AHDC1: variants seen among roughly 807,000 people sequenced by gnomAD.
AHDC1 encodes the protein transcription factor Gibbin.
A neutral mutation model predicts 87.9 loss-of-function variants in AHDC1; 7 were observed. The ratio of observed to expected loss-of-function variants is 0.08; its 90% CI spans 0.05 to 0.15. AHDC1 has a LOEUF of 0.15. AHDC1 is among the 10% of genes least tolerant of loss of function. AHDC1 has a pLI of 1.00. For synonymous variants in AHDC1, 1,051 were observed against 1,006.8 expected (o/e 1.04, Z -0.83); for missense variants, 1,841 against 2,253.2 (o/e 0.82, Z 3.70).
chr1:27,578,195 G>A (rs565678412), intron 3 of AHDC1, among the ~76,000 whole-genome samples: 10 of 152,302 alleles, frequency 6.6e-5, no homozygotes, highest in African/African-American at 2.4e-4. Context: ...ACCAGATTCT[G>A]AAGTCTTAAT....
In AHDC1 at chr1:27,562,387, G is replaced by A. The variant is rs1054488352; in HGVS notation, c.-628-3504C>T. Among the ~76,000 whole-genome samples, 3 of 152,120 alleles carry A rather than the reference G, an allele frequency of 2.0e-5. No homozygotes were observed. On this transcript the variant is annotated intron_variant, in intron 3 of 8. Coordinates refer to ENST00000673934, the MANE Select transcript of AHDC1 (RefSeq NM_001371928.1). The surrounding 1 kb of genome is among the most constrained non-coding windows in gnomAD (Gnocchi z 4.4). ...GCGCAGAGCTGCCCCGATTAATCCT[G>A]TGGCTCCAGAGCCTTAATTAGTTTA...
chr1:27,586,130 G>A (rs766184455), intron 3 of AHDC1, among the ~76,000 whole-genome samples: 9 of 152,182 alleles, frequency 5.9e-5, no homozygotes, highest in Non-Finnish European at 1.3e-4. Flanking sequence ...GTGCCTAAGC[G>A]CCATCCAAGG....
intron 8 of AHDC1, among the ~76,000 whole-genome samples, chr1:27,543,981 C>T (rs2019052666): frequency 6.6e-6 from 1 of 151,860 alleles, no homozygotes; most frequent in African/African-American, 2.4e-5. Flanking sequence ...ATTGTCCAAT[C>T]CAACCTATCC....
At chr1:27,557,474 G>T (rs1353337868) in intron 5 of AHDC1, among the ~76,000 whole-genome samples, 10 of 151,966 alleles carry the variant, frequency 6.6e-5, no homozygotes, top group Admixed American at 5.2e-4. Context: ...GTTGCTGCTG[G>T]AAAGGAAGTG....
intron 5 of AHDC1, among the ~76,000 whole-genome samples, chr1:27,554,368 C>A (rs185200429): frequency 6.6e-6 from 1 of 152,220 alleles, no homozygotes; most frequent in South Asian, 2.1e-4. Context: ...CAATTACTTG[C>A]GTGACTGGCT....
chr1:27,573,956 A>C lies in AHDC1; in HGVS notation c.-628-15073T>G, dbSNP rs76121932. The stretch of plus-strand genomic sequence containing the variant: ...TACACCAGGGTCTTTCCCAGTGGAC[A>C]TGGAAGGCCAATCAAACAGGAAACA... On this transcript the variant is annotated intron_variant, in intron 3 of 8. Coordinates refer to ENST00000673934, the MANE Select transcript of AHDC1 (RefSeq NM_001371928.1). 8.2e-3 allele frequency among the ~76,000 whole-genome samples: 1,244 copies of C among 152,346 alleles called. 22 individuals are homozygous for C. The highest frequency in any genetic ancestry group is 0.029 in the African/African-American group (1,192 of 41,574).
At chr1:27,539,138 C>CTT (rs112072152) in intron 8 of AHDC1, among the ~76,000 whole-genome samples, 14 of 125,368 alleles carry the variant, frequency 1.1e-4, no homozygotes, top group Non-Finnish European at 1.5e-4. Context: ...TTTTTCTTTT[C>CTT]TTTTTTTTTT....
Position 27,558,567 on chromosome 1 carries a change from T to C in AHDC1, c.-450-37A>G. Reference sequence around the variant, plus strand: ...GGAGTTTGAGTAAATGTTGGGTTAATATGTTTTGATTCTGTAAAGAAGCTC... The same window carrying C: ...GGAGTTTGAGTAAATGTTGGGTTAACATGTTTTGATTCTGTAAAGAAGCTC... On this transcript the variant is annotated intron_variant, in intron 4 of 8. Coordinates refer to ENST00000673934, the MANE Select transcript of AHDC1 (RefSeq NM_001371928.1). The surrounding 1 kb of genome is among the most constrained non-coding windows in gnomAD (Gnocchi z 5.6). The C allele has an allele frequency of 2.5e-6, 1 of 395,538 alleles. No individual in the cohort carries two copies. Among genetic ancestry groups the C allele is most frequent in the Middle Eastern group, 6.3e-4 (1 of 1,580 alleles). The allele number at this position is 395,538 out of a possible 1,614,324, so 24.5% of individuals were successfully genotyped here.
chr1:27,535,728 T>C (rs1044279507), intron 8 of AHDC1, among the ~76,000 whole-genome samples: 2 of 151,950 alleles, frequency 1.3e-5, no homozygotes, highest in Admixed American at 1.3e-4. Flanking sequence ...GCTCAGACAC[T>C]CCCAAGTTCC....
chr1:27,548,310 C>A lies in AHDC1; in HGVS notation c.3806G>T (p.Arg1269Leu). The A allele has an allele frequency of 6.2e-7, 1 of 1,606,308 alleles. No homozygotes were observed. The highest frequency in any genetic ancestry group is 1.1e-5 in the South Asian group (1 of 90,954). Residue 1269 changes from arginine (R) to leucine (L), a missense_variant, in exon 8 of 9, where the codon CGG becomes CTG. This residue lies in a region of AHDC1 where 505 missense variants were observed against 626.2 expected (regional missense o/e 0.81). Coordinates refer to ENST00000673934, the MANE Select transcript of AHDC1 (RefSeq NM_001371928.1). ...GYPSKRSTGP[R>L]QPRGGRGGGA... ...ACCGCCCCGTCCACCTCGCGGCTGC[C>A]GGGGCCCAGTGCTCCGTTTGGATGG...
chr1:27,578,669 A>C (rs1027513998), intron 3 of AHDC1, among the ~76,000 whole-genome samples: 3 of 150,712 alleles, frequency 2.0e-5, no homozygotes, highest in African/African-American at 7.3e-5. Flanking sequence ...TAATGTGGCT[A>C]CTTGAAAATT....
At chr1:27,540,416 A>C (rs1372110659) in intron 8 of AHDC1, among the ~76,000 whole-genome samples, 1 of 151,928 alleles carries the variant, frequency 6.6e-6, no homozygotes, top group Admixed American at 6.6e-5. Context: ...AAAAACAAAA[A>C]AACCTGAAAT....
chr1:27,556,406 T>C (rs908305728), intron 5 of AHDC1, among the ~76,000 whole-genome samples: 7 of 151,948 alleles, frequency 4.6e-5, no homozygotes, highest in African/African-American at 1.5e-4. Flanking sequence ...AAAGGGGCCA[T>C]TACTGCTGCT....
At position 27,548,943 on chromosome 1, in the gene AHDC1, C is replaced by A; in HGVS notation, c.3173G>T (p.Ser1058Ile). 1 of 1,586,470 alleles carries A rather than the reference C, an allele frequency of 6.3e-7. No homozygotes were observed. The highest frequency in any genetic ancestry group is 1.1e-5 in the South Asian group (1 of 88,338). Reference protein sequence around the residue: ...GSAPTPLRCDSRASTVSPGGY... With the variant: ...GSAPTPLRCDIRASTVSPGGY... ...ACCGGGCGAGACTGTGCTGGCCCGG[C>A]TGTCACAGCGCAGGGGCGTGGGGGC... is the stretch of plus-strand genomic sequence containing the variant. The change falls in exon 8 of 9, where the codon AGC (serine) becomes ATC (isoleucine). Residue 1058 changes from serine to isoleucine, a missense_variant. Physicochemically the swap from Ser to Ile is moderately radical, Grantham distance 142. Transcript: ENST00000673934.
intron 3 of AHDC1, among the ~76,000 whole-genome samples, chr1:27,567,518 TGGC>T (rs1467619889): frequency 4.0e-4 from 61 of 152,144 alleles, no homozygotes; most frequent in Admixed American, 3.2e-3. Context: ...CTTGGCTGCC[TGGC>T]CCCATCCCTG....
chr1:27,594,188 C>G (rs992452658), intron 3 of AHDC1, among the ~76,000 whole-genome samples: 7 of 152,134 alleles, frequency 4.6e-5, no homozygotes, highest in African/African-American at 1.7e-4. Context: ...GTAAAGTAAC[C>G]TTCACTGTCG....
At chr1:27,597,465 T>A (rs545640620) in intron 3 of AHDC1, among the ~76,000 whole-genome samples, 3 of 152,098 alleles carry the variant, frequency 2.0e-5, no homozygotes, top group African/African-American at 4.8e-5. Context: ...CCCGGGTGAA[T>A]GTGAGGGGGT....
At position 27,603,731 on chromosome 1, in the gene AHDC1, G is replaced by A. The variant is rs1190806455; in HGVS notation, c.-730C>T. 3.8e-5 allele frequency: 5 copies of A among 130,614 alleles called. No homozygotes were observed. The highest frequency in any genetic ancestry group is 6.3e-5 in the Non-Finnish European group (4 of 63,068). The allele number at this position is 130,614 out of a possible 1,614,324, so 8.1% of individuals were successfully genotyped here. The stretch of plus-strand genomic sequence containing the variant: ...CCCACCCCCCCCAATAGCAAACCTG[G>A]GAGGGAACGCGCCCCGCGTAGTCCT... On this transcript the variant is annotated 5_prime_UTR_variant, in exon 2 of 9. Transcript: ENST00000673934.
rs2019598348 is a variant in AHDC1, at chr1:27,551,996, G to A, written c.120C>T (p.Pro40=). The A allele has an allele frequency of 4.3e-6, 6 of 1,391,066 alleles. No homozygotes were observed. Among genetic ancestry groups the A allele is most frequent in the Non-Finnish European group, 5.6e-6 (6 of 1,063,044 alleles). 86.2% of individuals were successfully genotyped at this position (1,391,066 alleles called of 1,614,324 possible). A position where few individuals can be genotyped will look rare whatever the true frequency, so the allele number is the denominator to read the frequency against. Residue 40 remains proline (P), a synonymous_variant, in exon 8 of 9, where the codon CCC becomes CCT. Transcript: ENST00000673934. The part of the protein sequence containing the change: ...GGPPTPRPLL[P]TRPPASPPDK... ...CAGGTGGGCTGGCAGGGGGCCGGGT[G>A]GGAAGCAGGGGCCGGGGGGTGGGGG...
Sources: allele counts gnomAD v4.1 joint callset (sites outside exome capture counted in the v4.1 genomes callset), GRCh38; gene constraint gnomAD v4.1.1; regional missense constraint gnomAD v4.1.1; non-coding constraint Gnocchi (gnomAD v3.1); transcripts MANE v1.5; gene names NCBI Gene and HGNC (gene_info 2026-07-23, HGNC 2026-07-21).